GBP7: variants seen among roughly 807,000 people sequenced by gnomAD.
The protein encoded by GBP7 is guanylate-binding protein 7.
Under a neutral mutation model 61.3 loss-of-function variants are expected in GBP7, and 43 were observed. The observed-to-expected ratio is 0.70, with a 90% CI of 0.55 to 0.91. GBP7 has a LOEUF of 0.91. GBP7 is among the 40% of genes least tolerant of loss of function. GBP7 has a pLI of 0.00. For missense variants in GBP7, 717 were observed against 740.5 expected, an observed-to-expected ratio of 0.97 and a Z score of 0.37; for synonymous variants, 267 against 271.0, an observed-to-expected ratio of 0.99 and a Z score of 0.14.
chr1:89,134,269 C>T lies in GBP7; in HGVS notation c.1469-818G>A, dbSNP rs189315005. 2.4e-4 allele frequency among the ~76,000 whole-genome samples: 36 copies of T among 152,334 alleles called. 1 individual carries two copies. Among genetic ancestry groups the T allele is most frequent in the Admixed American group, 6.5e-4 (10 of 15,302 alleles). ...TGGCACACACTCGCTTGCAGCCTCT[C>T]ACCACCGCTTTGCTGGTACACATAC... On this transcript the variant is annotated intron_variant, in intron 9 of 10. Coordinates refer to ENST00000294671, the MANE Select transcript of GBP7 (RefSeq NM_207398.3).
intron 3 of GBP7, among the ~76,000 whole-genome samples, chr1:89,159,995 A>G (rs919894582): frequency 6.6e-6 from 1 of 152,248 alleles, no homozygotes; most frequent in South Asian, 2.1e-4. Flanking sequence ...GAGTAAAAAA[A>G]CATGGCACAT....
chr1:89,158,167 A>G (rs1682359118), intron 3 of GBP7, among the ~76,000 whole-genome samples: 1 of 152,238 alleles, frequency 6.6e-6, no homozygotes. Flanking sequence ...ACAGCCCTTC[A>G]TGCTTAAAAC....
chr1:89,165,548 G>A lies in GBP7; in HGVS notation c.191-690C>T, dbSNP rs1003466954. ...AGCCAGAAGTGATTAAGTCATGAAG[G>A]GTCATGTCCTCAGTAATAAAGTTAA... On this transcript the variant is annotated intron_variant, in intron 2 of 10. Coordinates refer to ENST00000294671, the MANE Select transcript of GBP7 (RefSeq NM_207398.3). Among the ~76,000 whole-genome samples the A allele has an allele frequency of 3.3e-5, 5 of 151,778 alleles. No individual in the cohort carries two copies. In the East Asian group the frequency reaches 5.8e-4, roughly 18 times the overall value.
chr1:89,164,972 T>C, intron 2 of GBP7, 114 bp from the exon 3 acceptor site: 1 of 987,812 alleles, frequency 1.0e-6, no homozygotes. Context: ...ACGGGTTGCT[T>C]CCATTTCAGC....
chr1:89,160,980 A>G (rs1317175874), intron 3 of GBP7, among the ~76,000 whole-genome samples: 1 of 151,774 alleles, frequency 6.6e-6, no homozygotes, highest in Non-Finnish European at 1.5e-5. Context: ...GTTTCCCTCT[A>G]TGTGTCCATG....
At chr1:89,163,248 G>A (rs1272000954) in intron 3 of GBP7, among the ~76,000 whole-genome samples, 1 of 152,148 alleles carries the variant, frequency 6.6e-6, no homozygotes, top group African/African-American at 2.4e-5. Flanking sequence ...TCTCTTCCAG[G>A]TTTTGGTATC....
chr1:89,170,745 A>C (rs1647574699), intron 2 of GBP7, among the ~76,000 whole-genome samples: 1 of 152,214 alleles, frequency 6.6e-6, no homozygotes, highest in African/African-American at 2.4e-5. Flanking sequence ...GCTTTCATGT[A>C]TACTTTCTTG....
At chr1:89,156,947 G>T (rs1284385019) in intron 3 of GBP7, among the ~76,000 whole-genome samples, 1 of 152,158 alleles carries the variant, frequency 6.6e-6, no homozygotes, top group Admixed American at 6.5e-5. Flanking sequence ...GGACCACATA[G>T]TTGGAAGTAA....
chr1:89,139,405 A>G (rs1681882304), intron 9 of GBP7, among the ~76,000 whole-genome samples: 1 of 152,378 alleles, frequency 6.6e-6, no homozygotes, highest in African/African-American at 2.4e-5. Context: ...CATGTCTAAA[A>G]CACCAAAAGC....
At chr1:89,141,273 A>G (rs1450178211) in intron 9 of GBP7, among the ~76,000 whole-genome samples, 1 of 152,106 alleles carries the variant, frequency 6.6e-6, no homozygotes, top group Non-Finnish European at 1.5e-5. Context: ...AGAGGCCAAA[A>G]TGACTTTGAA....
At chr1:89,142,342 C>G (rs952230328) in intron 8 of GBP7, among the ~76,000 whole-genome samples, 1 of 152,144 alleles carries the variant, frequency 6.6e-6, no homozygotes, top group East Asian at 1.9e-4. Context: ...CCTTGAACTC[C>G]CGGGCTGAAT....
chr1:89,168,988 A>AAC (rs1553127073), intron 2 of GBP7, among the ~76,000 whole-genome samples: 1,540 of 151,008 alleles, frequency 0.01, 36 homozygotes, highest in African/African-American at 0.035. Context: ...AAAAAAACAA[A>AAC]AAACAAAAAA....
chr1:89,154,708 T>C (rs1682274264), intron 3 of GBP7, among the ~76,000 whole-genome samples: 1 of 150,134 alleles, frequency 6.7e-6, no homozygotes, highest in Non-Finnish European at 1.5e-5. Flanking sequence ...CCAAACTAAA[T>C]AAAATAAAAT....
chr1:89,174,545 G>C (rs1280828664), intron 1 of GBP7, among the ~76,000 whole-genome samples: 1 of 152,146 alleles, frequency 6.6e-6, no homozygotes, highest in African/African-American at 2.4e-5. Flanking sequence ...CTTCACCTGG[G>C]AAACATTGTG....
intron 2 of GBP7, among the ~76,000 whole-genome samples, chr1:89,168,423 C>A (rs1019126263): frequency 2.0e-5 from 3 of 152,028 alleles, no homozygotes; most frequent in African/African-American, 7.3e-5. Flanking sequence ...TGAAAATAAC[C>A]TTTTAAAAAA....
At chr1:89,174,707 A>G (rs1314334197) in intron 1 of GBP7, among the ~76,000 whole-genome samples, 1 of 152,196 alleles carries the variant, frequency 6.6e-6, no homozygotes, top group Non-Finnish European at 1.5e-5. Context: ...ATCAGCATTC[A>G]CACGTTATTC....
intron 10 of GBP7, 79 bp downstream of exon 10, chr1:89,133,179 G>T: frequency 1.0e-6 from 1 of 1,001,630 alleles, no homozygotes; most frequent in South Asian, 1.5e-5. Flanking sequence ...AATCTTGACT[G>T]AGCTTAAAAT....
rs984761663 is a variant in GBP7 at position 89,141,855 on chromosome 1, C to T, written c.1366-207G>A. On this transcript the variant is annotated intron_variant, in intron 8 of 10. Transcript: ENST00000294671. ...ATGAAAACCCTGTGTAGCAGCCTCC[C>T]TCCTGCCTGTCCAGCCTCTTCTCCC... Among the ~76,000 whole-genome samples, 5 of 152,200 alleles carry T rather than the reference C, an allele frequency of 3.3e-5. No homozygotes were observed. The East Asian group carries it at 9.6e-4, about 29-fold the overall frequency.
chr1:89,157,072 A>T (rs1682334389), intron 3 of GBP7, among the ~76,000 whole-genome samples: 1 of 152,236 alleles, frequency 6.6e-6, no homozygotes, highest in South Asian at 2.1e-4. Flanking sequence ...ACTCAACTAC[A>T]TGGAAACTGA....
Sources: allele counts gnomAD v4.1 joint callset (sites outside exome capture counted in the v4.1 genomes callset), GRCh38; gene constraint gnomAD v4.1.1; transcripts MANE v1.5; gene names NCBI Gene and HGNC (gene_info 2026-07-23, HGNC 2026-07-21).